The following PHF14 variants were observed in gnomAD, a reference collection of about 807,000 sequenced individuals.
The protein encoded by PHF14 is PHD finger protein 14.
PHF14 carries 55 observed loss-of-function variants against 117.9 expected under a neutral mutation model. That is an observed-to-expected ratio of 0.47 (90% CI 0.38 to 0.58). The LOEUF is 0.58. Ranked by LOEUF, PHF14 falls within the 20% of genes least tolerant of loss-of-function variation. The probability of loss-of-function intolerance (pLI) is 0.00; values close to 1 mark genes in which losing one functional copy is unlikely to be tolerated. For missense variants in PHF14, 978 were observed against 1,122.2 expected, an observed-to-expected ratio of 0.87 and a Z score of 1.84; for synonymous variants, 409 against 368.6, an observed-to-expected ratio of 1.11 and a Z score of -1.26.
chr7:11,066,400 G>A (rs1005071952), intron 16 of PHF14, among the ~76,000 whole-genome samples: 2 of 152,012 alleles, frequency 1.3e-5, no homozygotes, highest in African/African-American at 4.8e-5. Context: ...GCTGAGACTT[G>A]ATTTTTTATT....
intron 17 of PHF14, among the ~76,000 whole-genome samples, chr7:11,132,363 G>T (rs552035758): frequency 1.4e-5 from 2 of 145,866 alleles, no homozygotes; most frequent in South Asian, 2.1e-4. Context: ...TTCTTTTTGT[G>T]CCTGGCTTGT....
rs191509402 is a variant in PHF14, at chr7:11,102,718, C to A, written c.2655-8632C>A. ...TGGTTTGTTACTTGGACTAACAAGG[C>A]AGTAGATTTGCCTGTGTGGAATTTT... On this transcript the variant is annotated intron_variant, in intron 16 of 17. Coordinates refer to ENST00000634607, the MANE Select transcript of PHF14 (RefSeq NM_001007157.2). The A allele has an allele frequency of 1.1e-3, 1,497 of 1,394,458 alleles. 16 individuals are homozygous for A. The African/African-American group carries it at 0.02, about 19-fold the overall frequency. 86.4% of individuals were successfully genotyped at this position (1,394,458 alleles called of 1,614,324 possible).
chr7:11,148,841 C>T (rs1243815191), intron 17 of PHF14, among the ~76,000 whole-genome samples: 1 of 152,164 alleles, frequency 6.6e-6, no homozygotes, highest in Admixed American at 6.6e-5. Flanking sequence ...TGCATCTGAG[C>T]TCAACTTTGA....
At chr7:11,004,478 C>T (rs112369088) in intron 4 of PHF14, among the ~76,000 whole-genome samples, 2,280 of 151,754 alleles carry the variant, frequency 0.015, 45 homozygotes, top group African/African-American at 0.053. Context: ...TTTCTCCACA[C>T]CCCACAGGAT....
In PHF14 at chr7:10,990,760, C is replaced by T. The variant is rs760454650; in HGVS notation, c.958C>T (p.Leu320=). ...NWSSQKMDHI[L]ICCVCLGDNS... ...GAGCTCTCAAAAAATGGACCATATT[C>T]TGATTTGCTGTGTTTGTCTGGGAGA... Residue 320 remains leucine, a synonymous_variant, in exon 4 of 18, where the codon CTG becomes TTG. Coordinates refer to ENST00000634607, the MANE Select transcript of PHF14 (RefSeq NM_001007157.2). The T allele has an allele frequency of 3.8e-6, 6 of 1,575,346 alleles. No individual in the cohort carries two copies. In the African/African-American group the frequency reaches 8.1e-5, roughly 21 times the overall value.
chr7:11,094,076 C>T (rs532658694), intron 16 of PHF14, among the ~76,000 whole-genome samples: 92 of 152,244 alleles, frequency 6.0e-4, no homozygotes, highest in African/African-American at 2.1e-3. Context: ...TTGGGTCTTT[C>T]CCACTGTGGT....
chr7:11,102,002 C>T (rs1301412294), intron 16 of PHF14, among the ~76,000 whole-genome samples: 1 of 151,630 alleles, frequency 6.6e-6, no homozygotes. Context: ...AAATTTCTTC[C>T]CCGAGTCTCT....
At chr7:10,988,950 G>T (rs1459118855) in intron 3 of PHF14, among the ~76,000 whole-genome samples, 1 of 152,170 alleles carries the variant, frequency 6.6e-6, no homozygotes, top group Admixed American at 6.5e-5. Context: ...TTGAAGCATG[G>T]CTAGTAGTAT....
chr7:11,054,463 C>G (rs1481677801), intron 14 of PHF14, among the ~76,000 whole-genome samples: 1 of 152,056 alleles, frequency 6.6e-6, no homozygotes, highest in Non-Finnish European at 1.5e-5. Context: ...CTAAACTGTT[C>G]AAGGAATGTA....
chr7:11,077,938 G>T (rs183462615), intron 16 of PHF14, among the ~76,000 whole-genome samples: 1 of 152,142 alleles, frequency 6.6e-6, no homozygotes, highest in African/African-American at 2.4e-5. Context: ...TCTCTTCAGC[G>T]TGCATGAAAC....
chr7:10,988,039 G>GA (rs1188249886), intron 3 of PHF14, among the ~76,000 whole-genome samples: 1 of 143,552 alleles, frequency 7.0e-6, no homozygotes, highest in African/African-American at 2.6e-5. Context: ...AAAAGAAAAA[G>GA]AAAAAAAAGA....
At chr7:11,098,402 C>T (rs147622016) in intron 16 of PHF14, among the ~76,000 whole-genome samples, 44 of 152,150 alleles carry the variant, frequency 2.9e-4, no homozygotes, top group African/African-American at 1.0e-3. Context: ...TTTCTCTTGC[C>T]GCCTTTCTCT....
chr7:11,073,733 T>A (rs576465094), intron 16 of PHF14, among the ~76,000 whole-genome samples: 18 of 152,224 alleles, frequency 1.2e-4, no homozygotes, highest in Admixed American at 4.6e-4. Context: ...CTGTGAAGGC[T>A]CTGTCTCTGT....
At chr7:11,049,084 A>T (rs1046267653) in intron 13 of PHF14, among the ~76,000 whole-genome samples, 1 of 152,238 alleles carries the variant, frequency 6.6e-6, no homozygotes, top group Non-Finnish European at 1.5e-5. Flanking sequence ...AAAACAAAAC[A>T]ATGATTTATC....
chr7:11,151,097 G>C (rs1382930258), intron 17 of PHF14, among the ~76,000 whole-genome samples: 1 of 152,098 alleles, frequency 6.6e-6, no homozygotes, highest in Non-Finnish European at 1.5e-5. Flanking sequence ...TAATGCAATG[G>C]TGAAATATAA....
chr7:10,974,799 A>G, intron 1 of PHF14, 36 bp from the exon 2 acceptor site: 1 of 1,042,892 alleles, frequency 9.6e-7, no homozygotes, highest in Non-Finnish European at 1.4e-6. Flanking sequence ...GTTTGGTGTG[A>G]TTATGAATGA....
At chr7:11,012,423 G>T (rs749050110) in intron 4 of PHF14, among the ~76,000 whole-genome samples, 1 of 152,178 alleles carries the variant, frequency 6.6e-6, no homozygotes, top group Non-Finnish European at 1.5e-5. Context: ...CTTTGTTTAT[G>T]TGAGTTTTGT....
At chr7:11,089,102 A>G (rs200694956) in intron 16 of PHF14, among the ~76,000 whole-genome samples, 2 of 152,162 alleles carry the variant, frequency 1.3e-5, no homozygotes, top group East Asian at 3.9e-4. Flanking sequence ...ATATAAAAAA[A>G]AAAAACCGTA....
At chr7:11,119,268 G>A (rs996043091) in intron 17 of PHF14, among the ~76,000 whole-genome samples, 6 of 151,692 alleles carry the variant, frequency 4.0e-5, no homozygotes, top group Non-Finnish European at 8.9e-5. Flanking sequence ...TGTTATTTCA[G>A]CTACTAAAAT....
Sources: gnomAD v4.1 joint callset for allele counts (sites outside exome capture counted in the v4.1 genomes callset) on GRCh38, gnomAD v4.1.1 for gene constraint, MANE v1.5 for transcripts, NCBI Gene and HGNC (gene_info 2026-07-23, HGNC 2026-07-21) for gene names.